Variants in FNBP4 observed in about 807,000 individuals in gnomAD.
FNBP4 encodes formin-binding protein 4.
FNBP4 carries 34 observed loss-of-function variants against 119.3 expected under a neutral mutation model. The ratio of observed to expected loss-of-function variants is 0.28; its 90% CI spans 0.22 to 0.38. FNBP4 has a LOEUF of 0.38. FNBP4 is among the 10% of genes least tolerant of loss of function. The pLI is 1.00. For missense variants in FNBP4, 1,112 were observed against 1,228.9 expected (o/e 0.90, Z 1.42); for synonymous variants, 462 against 430.6 (o/e 1.07, Z -0.90).
intron 10 of FNBP4, among the ~76,000 whole-genome samples, chr11:47,733,114 G>A (rs886601261): frequency 6.6e-6 from 1 of 152,094 alleles, no homozygotes; most frequent in Non-Finnish European, 1.5e-5. Flanking sequence ...GTGAAACTCC[G>A]TCTCAAAAAA....
rs531706625 is a variant in FNBP4 at position 47,723,083 on chromosome 11, C to T, written c.2698G>A (p.Ala900Thr). The T allele has an allele frequency of 1.9e-4, 302 of 1,611,192 alleles. 2 individuals are homozygous for T. The East Asian group carries it at 3.6e-3, about 19-fold the overall frequency. Residue 900 changes from alanine to threonine, a missense_variant, in exon 15 of 17, where the codon GCT becomes ACT. Ala to Thr is a moderately conservative substitution (Grantham distance 58). Transcript: ENST00000263773. ...PVQARGAVPTATIIEPPPPPP... is the reference protein window; with the variant it reads ...PVQARGAVPTTTIIEPPPPPP... ...GGTGGTGGTGGTTCTATAATGGTAGCGGTAGGCACAGCACCTCGGGCCTGA... is the reference window on the plus strand; with the variant it reads ...GGTGGTGGTGGTTCTATAATGGTAGTGGTAGGCACAGCACCTCGGGCCTGA...
In FNBP4 at chr11:47,745,593, C is replaced by T. The variant is rs149301201; in HGVS notation, c.1245+463G>A. Among the ~76,000 whole-genome samples the T allele has an allele frequency of 3.8e-3, 576 of 152,240 alleles. 3 individuals are homozygous for T. Among genetic ancestry groups the T allele is most frequent in the African/African-American group, 0.012 (516 of 41,540 alleles). The stretch of plus-strand genomic sequence containing the variant: ...TCAAGACAACATGTGCACCGCTGAA[C>T]ATAGACCCTTATCAGTACCTTTTTG... On this transcript the variant is annotated intron_variant, in intron 7 of 16. Coordinates refer to ENST00000263773, the MANE Select transcript of FNBP4 (RefSeq NM_015308.5).
chr11:47,731,598 C>T (rs1047927402), intron 11 of FNBP4, 37 bp from the exon 12 acceptor site: 13 of 1,573,390 alleles, frequency 8.3e-6, no homozygotes, highest in Admixed American at 5.7e-5. Context: ...TTTTAAAACC[C>T]GTTCTCCTAC....
rs2097568579 is a variant in FNBP4, at chr11:47,732,471, G to A, written c.1820+66C>T. 1 of 1,605,796 alleles carries A rather than the reference G, an allele frequency of 6.2e-7. No homozygotes were observed. The highest frequency in any genetic ancestry group is 1.3e-5 in the African/African-American group (1 of 74,890). On this transcript the variant is annotated intron_variant, in intron 11 of 16. Coordinates refer to ENST00000263773, the MANE Select transcript of FNBP4 (RefSeq NM_015308.5). This position sits in a 1 kb window ranked among gnomAD's most constrained non-coding sequence, Gnocchi z 4.2. ...AGACAGGCTGTCATGTCGTCAGATGGTGGTGATCACAAATCATGTCTGAGA... is the reference window on the plus strand; with the variant it reads ...AGACAGGCTGTCATGTCGTCAGATGATGGTGATCACAAATCATGTCTGAGA...
intron 2 of FNBP4, among the ~76,000 whole-genome samples, chr11:47,759,069 G>A (rs372466251): frequency 7.3e-4 from 110 of 151,520 alleles, no homozygotes; most frequent in Middle Eastern, 3.4e-3. Flanking sequence ...ACAGGCGCAC[G>A]CCACCACGAC....
At chr11:47,736,818 T>G (rs1329109883) in intron 8 of FNBP4, 78 bp from the exon 9 acceptor site, 1 of 1,263,204 alleles carries the variant, frequency 7.9e-7, no homozygotes, top group Non-Finnish European at 1.1e-6. Flanking sequence ...CCATAGCAGA[T>G]ATCTGCAAAA....
chr11:47,729,655 G>A (rs990365656), intron 12 of FNBP4: 11 of 961,660 alleles, frequency 1.1e-5, no homozygotes, highest in Admixed American at 6.2e-5. Flanking sequence ...GACTACAGGC[G>A]TGGGCCACTA....
chr11:47,754,564 T>C lies in FNBP4; in HGVS notation c.414A>G (p.Ser138=). 2 of 1,614,164 alleles carry C rather than the reference T, an allele frequency of 1.2e-6. No homozygotes were observed. The highest frequency in any genetic ancestry group is 1.7e-6 in the Non-Finnish European group (2 of 1,180,030). ...AQSKETNGNQ[S]TDIDSTLANF... is the part of the protein sequence containing the mutation. ...TGGCCAATGTACTATCAATATCAGT[T>C]GACTGGTTTCCATTTGTCTCTTTGG... Residue 138 remains serine, a synonymous_variant, in exon 3 of 17, where the codon TCA becomes TCG. Transcript: ENST00000263773.
At chr11:47,742,732 T>C (rs531070284) in intron 8 of FNBP4, among the ~76,000 whole-genome samples, 16 of 147,766 alleles carry the variant, frequency 1.1e-4, no homozygotes, top group African/African-American at 4.0e-4. Context: ...TACTGAAAAA[T>C]ACAAAAAATT....
At chr11:47,752,504 T>C (rs1032027941) in intron 4 of FNBP4, among the ~76,000 whole-genome samples, 1 of 151,552 alleles carries the variant, frequency 6.6e-6, no homozygotes, top group Admixed American at 6.6e-5. Flanking sequence ...CTCTGGGCTT[T>C]CATCTTTAGA....
chr11:47,734,983 C>A (rs1193979015), intron 9 of FNBP4, among the ~76,000 whole-genome samples: 4 of 110,354 alleles, frequency 3.6e-5, no homozygotes, highest in Non-Finnish European at 6.2e-5. Flanking sequence ...CCAACACCCC[C>A]CCCCCCAAAA....
In FNBP4 at chr11:47,765,668, C is replaced by G. The variant is rs1376721526; in HGVS notation, c.221-306G>C. Among the ~76,000 whole-genome samples, 2 of 112,592 alleles carry G rather than the reference C, an allele frequency of 1.8e-5. 1 individual carries two copies. The allele number at this position is 112,592 out of a possible 152,430, so 73.9% of individuals were successfully genotyped here. On this transcript the variant is annotated intron_variant, in intron 1 of 16. Transcript: ENST00000263773. ...AAAAATACAAAAAATAAAAAAATTG[C>G]TAGGCATGATGGCACTCGCTTGTAA...
In FNBP4 at chr11:47,753,091, G is replaced by A. The variant is rs1308888707; in HGVS notation, c.462C>T (p.Ala154=). 1 of 1,610,084 alleles carries A rather than the reference G, an allele frequency of 6.2e-7. No homozygotes were observed. Among genetic ancestry groups the A allele is most frequent in the Admixed American group, 1.7e-5 (1 of 58,372 alleles). Residue 154 remains alanine, a synonymous_variant, in exon 4 of 17, where the codon GCC becomes GCT. Coordinates refer to ENST00000263773, the MANE Select transcript of FNBP4 (RefSeq NM_015308.5). The part of the protein sequence containing the change: ...TLANFLAEID[A]ITAPQPAAPV... ...GAGCTGCAGGCTGAGGAGCTGTTAT[G>A]GCATCGATCTCCTTCAGTATGAAAA...
intron 2 of FNBP4, among the ~76,000 whole-genome samples, chr11:47,762,906 C>CAAAAA (rs56659957): frequency 0.011 from 1,136 of 100,236 alleles, 51 homozygotes; most frequent in Non-Finnish European, 0.017. Context: ...ACTCTGATTC[C>CAAAAA]AAAAAAAAAA....
chr11:47,733,217 G>A (rs1023284950), intron 10 of FNBP4, among the ~76,000 whole-genome samples: 4 of 152,178 alleles, frequency 2.6e-5, no homozygotes, highest in African/African-American at 9.7e-5. Context: ...AAAATGAGTA[G>A]TAGTAGTTTT....
intron 12 of FNBP4, chr11:47,730,255 G>C: frequency 1.0e-6 from 1 of 984,176 alleles, no homozygotes; most frequent in Non-Finnish European, 1.2e-6. Context: ...CCAAAAGAGA[G>C]GAAAAATATT....
At chr11:47,748,183 G>T (rs1030128726) in intron 6 of FNBP4, among the ~76,000 whole-genome samples, 2 of 151,768 alleles carry the variant, frequency 1.3e-5, no homozygotes, top group Non-Finnish European at 2.9e-5. Context: ...AGGTTGCAGT[G>T]AGCAGAGATC....
chr11:47,721,178 T>C (rs1599155172), intron 15 of FNBP4, among the ~76,000 whole-genome samples: 1 of 148,542 alleles, frequency 6.7e-6, no homozygotes, highest in Admixed American at 6.7e-5. Flanking sequence ...AACATAAGCC[T>C]GGCGTGGTGG....
chr11:47,736,844 CT>C, intron 8 of FNBP4, 104 bp from the exon 9 acceptor site: 1 of 1,055,922 alleles, frequency 9.5e-7, no homozygotes, highest in East Asian at 2.6e-5. Flanking sequence ...TTAGTTCTTT[CT>C]CTCTTGCCTG....
Sources: allele counts gnomAD v4.1 joint callset (sites outside exome capture counted in the v4.1 genomes callset), GRCh38; gene constraint gnomAD v4.1.1; non-coding constraint Gnocchi (gnomAD v3.1); transcripts MANE v1.5; gene names NCBI Gene and HGNC (gene_info 2026-07-23, HGNC 2026-07-21).